Variants in CNTN5 observed in about 807,000 individuals in gnomAD.
CNTN5 encodes contactin 5.
A neutral mutation model predicts 129.1 loss-of-function variants in CNTN5; 77 were observed. The ratio of observed to expected loss-of-function variants is 0.60; its 90% CI spans 0.50 to 0.72. The LOEUF is 0.72. CNTN5 is among the 30% of genes least tolerant of loss of function. CNTN5 has a pLI of 0.00. For missense variants in CNTN5, 1,478 were observed against 1,328.8 expected (o/e 1.11, Z -1.75); for synonymous variants, 509 against 465.6 (o/e 1.09, Z -1.20).
chr11:99,562,273 A>G (rs1033156737), intron 3 of CNTN5, among the ~76,000 whole-genome samples: 1 of 152,124 alleles, frequency 6.6e-6, no homozygotes, highest in Non-Finnish European at 1.5e-5. Context: ...ATTAAAAAGC[A>G]ATGATGTTGA....
intron 15 of CNTN5, among the ~76,000 whole-genome samples, chr11:100,220,172 G>T (rs188188123): frequency 3.5e-4 from 54 of 152,162 alleles, no homozygotes; most frequent in African/African-American, 1.3e-3. Context: ...AGCTACTCGG[G>T]AGGCTAAGGC....
chr11:99,278,415 A>G (rs1863547039), intron 1 of CNTN5, among the ~76,000 whole-genome samples: 1 of 151,682 alleles, frequency 6.6e-6, no homozygotes, highest in African/African-American at 2.4e-5. Flanking sequence ...TCACTGAAGC[A>G]CATTTCCTAA....
In CNTN5 at chr11:99,819,849, C is replaced by T. The variant is rs1039217450; in HGVS notation, c.277+84C>T. ...AATACTGTTGCAACAGAGATCAAGA[C>T]TATTCCAGTAGGAGAGAGTGATTGA... On this transcript the variant is annotated intron_variant, in intron 4 of 24. Coordinates refer to ENST00000524871, the MANE Select transcript of CNTN5 (RefSeq NM_014361.4). 4 of 491,060 alleles carry T rather than the reference C, an allele frequency of 8.1e-6. No individual in the cohort carries two copies. The African/African-American group carries it at 1.0e-4, about 13-fold the overall frequency. The allele number at this position is 491,060 out of a possible 1,614,324, so 30.4% of individuals were successfully genotyped here. A position where few individuals can be genotyped will look rare whatever the true frequency, so the allele number is the denominator to read the frequency against.
At chr11:100,056,732 G>A (rs895114565) in intron 9 of CNTN5, among the ~76,000 whole-genome samples, 4 of 151,730 alleles carry the variant, frequency 2.6e-5, no homozygotes, top group Admixed American at 2.6e-4. Context: ...ACATAGAGTA[G>A]TAGTTTTCTG....
intron 1 of CNTN5, among the ~76,000 whole-genome samples, chr11:99,303,243 GTTA>G (rs1229516277): frequency 1.3e-5 from 2 of 151,564 alleles, no homozygotes; most frequent in East Asian, 3.9e-4. Flanking sequence ...TTAGGAAAAT[GTTA>G]TTATACTATA....
chr11:99,493,444 G>A (rs998307531), intron 2 of CNTN5, among the ~76,000 whole-genome samples: 7 of 152,148 alleles, frequency 4.6e-5, no homozygotes, highest in East Asian at 1.9e-4. Context: ...ATTGAGTATC[G>A]ATAATTCTAT....
chr11:99,763,883 A>G (rs917743767), intron 3 of CNTN5, among the ~76,000 whole-genome samples: 1 of 152,234 alleles, frequency 6.6e-6, no homozygotes. Flanking sequence ...GCAAAATAGA[A>G]TGAGAATGTT....
intron 1 of CNTN5, among the ~76,000 whole-genome samples, chr11:99,280,177 A>G (rs1308178872): frequency 2.0e-5 from 3 of 151,768 alleles, no homozygotes; most frequent in Admixed American, 2.0e-4. Context: ...TATAAATACA[A>G]AAGAAAAAAT....
chr11:99,033,429 C>T (rs1863511172), intron 1 of CNTN5, among the ~76,000 whole-genome samples: 1 of 152,070 alleles, frequency 6.6e-6, no homozygotes, highest in African/African-American at 2.4e-5. Flanking sequence ...TTGTTTGTGT[C>T]CTCTTTTATT....
At chr11:99,366,818 G>T (rs1174985047) in intron 2 of CNTN5, among the ~76,000 whole-genome samples, 7 of 152,100 alleles carry the variant, frequency 4.6e-5, no homozygotes, top group Admixed American at 4.6e-4. Context: ...AATTTTCTCT[G>T]TGTGCATTTT....
At chr11:99,983,846 C>G (rs1421900693) in intron 8 of CNTN5, among the ~76,000 whole-genome samples, 1 of 152,046 alleles carries the variant, frequency 6.6e-6, no homozygotes, top group Non-Finnish European at 1.5e-5. Flanking sequence ...CAAAGAAAAA[C>G]TAAAGGGAAA....
intron 18 of CNTN5, among the ~76,000 whole-genome samples, chr11:100,276,511 CAG>C (rs1950514926): frequency 9.1e-6 from 1 of 109,468 alleles, no homozygotes; most frequent in Admixed American, 1.5e-4. Context: ...GCCTGGGTGA[CAG>C]AGTGAGACTC....
intron 3 of CNTN5, among the ~76,000 whole-genome samples, chr11:99,673,432 T>C (rs568855554): frequency 1.3e-5 from 2 of 152,280 alleles, no homozygotes; most frequent in Non-Finnish European, 2.9e-5. Flanking sequence ...GTGTCTGATA[T>C]ATGGGCATTT....
At chr11:99,679,270 C>G (rs113839075) in intron 3 of CNTN5, among the ~76,000 whole-genome samples, 2 of 150,498 alleles carry the variant, frequency 1.3e-5, no homozygotes, top group African/African-American at 4.9e-5. Flanking sequence ...GAAATTAAAA[C>G]TAGAGACAAG....
At position 100,148,666 on chromosome 11, in the gene CNTN5, A is replaced by G. The variant is rs533083721; in HGVS notation, c.1581-42460A>G. ...TGAGATGCATGAAGCCCCCGGGCCA[A>G]CAAATAACAGGACCAATGGAAAGTA... On this transcript the variant is annotated intron_variant, in intron 13 of 24. Coordinates refer to ENST00000524871, the MANE Select transcript of CNTN5 (RefSeq NM_014361.4). Among the ~76,000 whole-genome samples, 62 of 152,212 alleles carry G rather than the reference A, an allele frequency of 4.1e-4. 2 individuals are homozygous for G. In the South Asian group the frequency reaches 0.013, roughly 32 times the overall value.
At chr11:99,726,011 C>G (rs1425749983) in intron 3 of CNTN5, among the ~76,000 whole-genome samples, 1 of 151,968 alleles carries the variant, frequency 6.6e-6, no homozygotes, top group African/African-American at 2.4e-5. Context: ...ACTTATTTGG[C>G]TATTCTGAAG....
intron 2 of CNTN5, among the ~76,000 whole-genome samples, chr11:99,363,835 G>A (rs576941632): frequency 6.6e-5 from 10 of 152,130 alleles, no homozygotes; most frequent in African/African-American, 1.7e-4. Flanking sequence ...ATGAAAATTC[G>A]TTTTTCCAAG....
At chr11:99,512,690 A>G (rs2135415604) in intron 2 of CNTN5, among the ~76,000 whole-genome samples, 1 of 152,194 alleles carries the variant, frequency 6.6e-6, no homozygotes, top group African/African-American at 2.4e-5. Flanking sequence ...ATCAGTGATC[A>G]GTGATCTTTG....
At chr11:99,948,402 A>G (rs1290062013) in intron 7 of CNTN5, among the ~76,000 whole-genome samples, 1 of 152,176 alleles carries the variant, frequency 6.6e-6, no homozygotes, top group Non-Finnish European at 1.5e-5. Flanking sequence ...CATTGTGACC[A>G]TGGTTTAATT....
Sources: gnomAD v4.1 joint callset for allele counts (sites outside exome capture counted in the v4.1 genomes callset) on GRCh38, gnomAD v4.1.1 for gene constraint, MANE v1.5 for transcripts, NCBI Gene and HGNC (gene_info 2026-07-23, HGNC 2026-07-21) for gene names.